Variants in HGF observed in about 807,000 individuals in gnomAD.
HGF encodes the protein hepatocyte growth factor, also known as fibroblast-derived tumor cytotoxic factor.
A neutral mutation model predicts 111.6 loss-of-function variants in HGF; 39 were observed. The observed-to-expected ratio is 0.35, with a 90% CI of 0.27 to 0.46. The LOEUF is 0.46. Among genes scored for constraint, HGF ranks in the 20% least tolerant of loss-of-function variants. The pLI is 1.00. For synonymous variants in HGF, 285 were observed against 294.8 expected (o/e 0.97, Z 0.34); for missense variants, 735 against 910.5 (o/e 0.81, Z 2.48).
At position 81,699,294 on chromosome 7, in the gene HGF, T is replaced by C. The variant is rs367964046; in HGVS notation, c.*3287A>G. ...AAAAGTTACACTGTCAAGATATATA[T>C]GGTCCAAAAAATTTTAACTTTTTTT... On this transcript the variant is annotated 3_prime_UTR_variant, in exon 18 of 18. Coordinates refer to ENST00000222390, the MANE Select transcript of HGF (RefSeq NM_000601.6). 1 of 151,512 alleles carries C rather than the reference T, an allele frequency of 6.6e-6. No homozygotes were observed. Among genetic ancestry groups the C allele is most frequent in the African/African-American group, 2.4e-5 (1 of 41,396 alleles). The allele number at this position is 151,512 out of a possible 1,614,324, so 9.4% of individuals were successfully genotyped here.
chr7:81,721,045 A>G (rs901067652), intron 9 of HGF, among the ~76,000 whole-genome samples, 198 bp from the exon 10 acceptor site: 2 of 152,326 alleles, frequency 1.3e-5, no homozygotes, highest in Non-Finnish European at 2.9e-5. Context: ...GGAGATCGAG[A>G]CCATCCTGGC....
At position 81,705,599 on chromosome 7, in the gene HGF, T is replaced by G; in HGVS notation, c.1864+48A>C. The G allele has an allele frequency of 1.9e-6, 3 of 1,600,520 alleles. No homozygotes were observed. The East Asian group carries it at 6.7e-5, about 36-fold the overall frequency. On this transcript the variant is annotated intron_variant, in intron 16 of 17. Transcript: ENST00000222390. ...GTAAGAAACAAAGACAAATGTGTTC[T>G]TTTTAAAATAAAATAAATATGGCCT...
intron 6 of HGF, among the ~76,000 whole-genome samples, 197 bp from the exon 7 acceptor site, chr7:81,743,668 G>C (rs1464239276): frequency 6.6e-6 from 1 of 152,134 alleles, no homozygotes; most frequent in Admixed American, 6.5e-5. Context: ...TAAGGACAGA[G>C]TATCATCCCC....
chr7:81,742,698 A>G, intron 7 of HGF: 2 of 1,385,694 alleles, frequency 1.4e-6, no homozygotes, highest in Non-Finnish European at 1.9e-6. Context: ...AAACACGTTA[A>G]AAAATAGTTT....
intron 1 of HGF, among the ~76,000 whole-genome samples, chr7:81,765,542 C>T (rs1170267235): frequency 6.6e-6 from 1 of 152,080 alleles, no homozygotes; most frequent in Non-Finnish European, 1.5e-5. Flanking sequence ...CCAGAATTCT[C>T]TTCTCACTAT....
chr7:81,724,798 A>G (rs1245382060), intron 9 of HGF, among the ~76,000 whole-genome samples: 1 of 152,182 alleles, frequency 6.6e-6, no homozygotes, highest in Non-Finnish European at 1.5e-5. Context: ...ATGTGGCTGA[A>G]TCAATTTACA....
chr7:81,762,085 A>T (rs2116233976), intron 2 of HGF, among the ~76,000 whole-genome samples: 1 of 152,158 alleles, frequency 6.6e-6, no homozygotes, highest in Non-Finnish European at 1.5e-5. Flanking sequence ...TGTAGTAAGG[A>T]ATTCTTCCCT....
chr7:81,727,697 G>C (rs980360771), intron 8 of HGF, among the ~76,000 whole-genome samples: 1 of 151,998 alleles, frequency 6.6e-6, no homozygotes, highest in Non-Finnish European at 1.5e-5. Context: ...TGTTGCCCAG[G>C]CTGGTCTTGA....
At position 81,766,590 on chromosome 7, in the gene HGF, G is replaced by C. The variant is rs896603727; in HGVS notation, c.88+3294C>G. 2.6e-5 allele frequency among the ~76,000 whole-genome samples: 4 copies of C among 152,154 alleles called. No individual in the cohort carries two copies. In the East Asian group the frequency reaches 7.7e-4, roughly 29 times the overall value. Reference sequence around the variant, plus strand: ...CTGTGTCAGATGTAAATCAAATGCTGATATTTGAGAAGCTGCAGCATCATC... The same window carrying C: ...CTGTGTCAGATGTAAATCAAATGCTCATATTTGAGAAGCTGCAGCATCATC... On this transcript the variant is annotated intron_variant, in intron 1 of 17. Coordinates refer to ENST00000222390, the MANE Select transcript of HGF (RefSeq NM_000601.6).
chr7:81,737,115 A>T (rs919939573), intron 7 of HGF, among the ~76,000 whole-genome samples: 1 of 152,018 alleles, frequency 6.6e-6, no homozygotes, highest in Non-Finnish European at 1.5e-5. Context: ...AATTGACAGG[A>T]CTTAGTGATA....
chr7:81,726,787 A>G (rs1790023704), intron 8 of HGF, among the ~76,000 whole-genome samples: 1 of 152,054 alleles, frequency 6.6e-6, no homozygotes, highest in Non-Finnish European at 1.5e-5. Context: ...CTCTGTATGT[A>G]GAAGACTTTT....
At chr7:81,723,072 C>CCTTAGTA (rs1313984374) in intron 9 of HGF, among the ~76,000 whole-genome samples, 1 of 151,878 alleles carries the variant, frequency 6.6e-6, no homozygotes, top group Non-Finnish European at 1.5e-5. Flanking sequence ...TGGGTACTAG[C>CCTTAGTA]CTTAGTACCC....
At chr7:81,733,878 TA>T (rs1239304721) in intron 7 of HGF, among the ~76,000 whole-genome samples, 3 of 152,134 alleles carry the variant, frequency 2.0e-5, no homozygotes, top group Admixed American at 6.6e-5. Flanking sequence ...TCGATGGCAG[TA>T]AAACAAACTC....
At chr7:81,740,147 A>G (rs1282991954) in intron 7 of HGF, among the ~76,000 whole-genome samples, 1 of 152,212 alleles carries the variant, frequency 6.6e-6, no homozygotes, top group Non-Finnish European at 1.5e-5. Context: ...GATATTAATT[A>G]TGATTTTCTA....
At chr7:81,731,947 C>T (rs79478055) in intron 7 of HGF, among the ~76,000 whole-genome samples, 3,398 of 152,282 alleles carry the variant, frequency 0.022, 54 homozygotes, top group Non-Finnish European at 0.036. Context: ...TTAGAACAGC[C>T]AGTGTAAACA....
At chr7:81,746,603 G>A (rs1458759660) in intron 5 of HGF, among the ~76,000 whole-genome samples, 1 of 152,002 alleles carries the variant, frequency 6.6e-6, no homozygotes, top group Non-Finnish European at 1.5e-5. Context: ...TAAAAGATAA[G>A]TATTCATATG....
chr7:81,722,862 T>TATATATATATATATATATATATA, intron 9 of HGF, among the ~76,000 whole-genome samples: 1 of 148,392 alleles, frequency 6.7e-6, no homozygotes, highest in African/African-American at 2.5e-5. Context: ...TATATATATA[T>TATATATATATATATATATATATA]GTTGCATTGC....
rs1038654267 is a variant in HGF at position 81,710,208 on chromosome 7, G to A, written c.1480C>T (p.Arg494Ter). The A allele has an allele frequency of 1.9e-6, 3 of 1,613,394 alleles. No individual in the cohort carries two copies. The highest frequency in any genetic ancestry group is 2.5e-6 in the Non-Finnish European group (3 of 1,179,460). The change falls in exon 13 of 18, where the codon CGA becomes TGA. Residue 494 changes from arginine to a stop codon, truncating the protein, a stop_gained. Coordinates refer to ENST00000222390, the MANE Select transcript of HGF (RefSeq NM_000601.6). LOFTEE classifies it high-confidence loss of function. ...CGTGTTGGAATCCCATTTACAACTC[G>A]CAATTGTTTCGTTTTGGCACAAGAT... ...VISCAKTKQLRVVNGIPTRTN... is the reference protein window; with the variant it reads ...VISCAKTKQL
At chr7:81,762,926 G>C in intron 1 of HGF, 54 bp from the exon 2 acceptor site, 2 of 1,031,350 alleles carry the variant, frequency 1.9e-6, no homozygotes, top group South Asian at 1.4e-5. Context: ...TGTTTTTAAG[G>C]CTCATATATA....
Sources: gnomAD v4.1 joint callset for allele counts (sites outside exome capture counted in the v4.1 genomes callset) on GRCh38, gnomAD v4.1.1 for gene constraint, MANE v1.5 for transcripts, NCBI Gene and HGNC (gene_info 2026-07-23, HGNC 2026-07-21) for gene names.